Variants in CCDC68 observed in about 807,000 individuals in gnomAD.
The protein encoded by CCDC68 is coiled-coil domain-containing protein 68.
Under a neutral mutation model 47.1 loss-of-function variants are expected in CCDC68, and 45 were observed. That is an observed-to-expected ratio of 0.96 (90% CI 0.75 to 1.23). The LOEUF (loss-of-function observed/expected upper bound fraction) is 1.23. CCDC68 is among the 50% of genes most tolerant of loss of function. The probability of loss-of-function intolerance (pLI) is 0.00; values close to 1 mark genes in which losing one functional copy is unlikely to be tolerated. For synonymous variants in CCDC68, 131 were observed against 129.5 expected (o/e 1.01, Z -0.08); for missense variants, 353 against 373.6 (o/e 0.94, Z 0.45).
At chr18:54,928,474 C>T (rs750115536) in intron 8 of CCDC68, among the ~76,000 whole-genome samples, 3 of 152,140 alleles carry the variant, frequency 2.0e-5, no homozygotes, top group Non-Finnish European at 4.4e-5. Context: ...ATCTCTCAAG[C>T]GTCCTCCTTA....
intron 1 of CCDC68, among the ~76,000 whole-genome samples, chr18:54,952,087 G>T (rs2044628635): frequency 6.6e-6 from 1 of 152,206 alleles, no homozygotes; most frequent in African/African-American, 2.4e-5. Flanking sequence ...TGTAGGACAT[G>T]ATTTGAAAGT....
chr18:54,932,246 G>A (rs948478282), intron 7 of CCDC68, among the ~76,000 whole-genome samples: 7 of 150,576 alleles, frequency 4.6e-5, no homozygotes, highest in South Asian at 2.1e-4. Context: ...GTGCAGTGGC[G>A]TCATCTCGGC....
intron 8 of CCDC68, 34 bp downstream of exon 8, chr18:54,928,766 G>T (rs368678641): frequency 6.9e-5 from 97 of 1,396,248 alleles, no homozygotes; most frequent in Non-Finnish European, 9.3e-5. Context: ...AAGAAATCAG[G>T]AACTGCCTTT....
chr18:54,925,949 A>G (rs1160239885), intron 8 of CCDC68, among the ~76,000 whole-genome samples: 1 of 152,204 alleles, frequency 6.6e-6, no homozygotes, highest in South Asian at 2.1e-4. Context: ...ACTATTTTCT[A>G]TAAAATTCTT....
In CCDC68 at chr18:54,902,436, C is replaced by T. The variant is rs976551742; in HGVS notation, c.*1922G>A. 1.8e-4 allele frequency: 27 copies of T among 152,162 alleles called. No homozygotes were observed. Among genetic ancestry groups the T allele is most frequent in the African/African-American group, 6.3e-4 (26 of 41,422 alleles). The allele number at this position is 152,162 out of a possible 1,614,324, so 9.4% of individuals were successfully genotyped here. ...AAAGATGGATTCTCTTACTACACTG[C>T]AAATACTTAAAGCAGGACTCATGAT... is the stretch of plus-strand genomic sequence containing the variant. On this transcript the variant is annotated 3_prime_UTR_variant, in exon 12 of 12. Coordinates refer to ENST00000591504, the MANE Select transcript of CCDC68 (RefSeq NM_025214.3).
At chr18:54,931,865 A>C (rs1275687502) in intron 7 of CCDC68, among the ~76,000 whole-genome samples, 1 of 152,186 alleles carries the variant, frequency 6.6e-6, no homozygotes, top group Non-Finnish European at 1.5e-5. Flanking sequence ...ATGGCTATTT[A>C]CTGGAGCGGT....
chr18:54,905,634 C>G (rs1397394886), intron 11 of CCDC68, among the ~76,000 whole-genome samples: 2 of 152,028 alleles, frequency 1.3e-5, no homozygotes, highest in Non-Finnish European at 2.9e-5. Flanking sequence ...TTTACCAAAC[C>G]AAACTACCAC....
intron 11 of CCDC68, 34 bp downstream of exon 11, chr18:54,907,752 G>T: frequency 8.4e-7 from 1 of 1,184,558 alleles, no homozygotes; most frequent in East Asian, 2.3e-5. Context: ...AACATAGGTT[G>T]TGAAGACAGG....
At chr18:54,927,990 A>G (rs1000976166) in intron 8 of CCDC68, among the ~76,000 whole-genome samples, 2 of 152,202 alleles carry the variant, frequency 1.3e-5, no homozygotes, top group Admixed American at 1.3e-4. Context: ...AATGACAACA[A>G]TTCTGTCCAT....
At chr18:54,920,401 T>C (rs562934400) in intron 8 of CCDC68, among the ~76,000 whole-genome samples, 2 of 152,174 alleles carry the variant, frequency 1.3e-5, no homozygotes, top group South Asian at 4.2e-4. Flanking sequence ...CCACCACACC[T>C]GGCTAATTTT....
intron 10 of CCDC68, among the ~76,000 whole-genome samples, chr18:54,913,286 A>G (rs1199540296): frequency 6.6e-6 from 1 of 152,228 alleles, no homozygotes; most frequent in Non-Finnish European, 1.5e-5. Context: ...ATGAATGAGA[A>G]AGTGATGCTG....
rs1490254308 is a variant in CCDC68, at chr18:54,944,373, G to A, written c.-13+1015C>T. 2.6e-5 allele frequency among the ~76,000 whole-genome samples: 4 copies of A among 152,142 alleles called. No individual in the cohort carries two copies. In the East Asian group the frequency reaches 5.8e-4, roughly 22 times the overall value. On this transcript the variant is annotated intron_variant, in intron 2 of 11. Coordinates refer to ENST00000591504, the MANE Select transcript of CCDC68 (RefSeq NM_025214.3). ...ATTATTAATCTTATGTTACTGATAA[G>A]AAGCCAAGACTCCACTCCCATAGTC...
chr18:54,949,442 C>A (rs1394509896), intron 1 of CCDC68, among the ~76,000 whole-genome samples: 2 of 152,198 alleles, frequency 1.3e-5, no homozygotes, highest in African/African-American at 4.8e-5. Context: ...CACATTAAAA[C>A]AGGTCTAGCA....
rs138697735 is a variant in CCDC68, at chr18:54,941,079, C to A, written c.122G>T (p.Arg41Leu). Reference sequence around the variant, plus strand: ...GGTCCTGATCTTTTGCAGAGTAGTTCGAATCTAGAGAAGGAAAACAAAACC... The same window carrying A: ...GGTCCTGATCTTTTGCAGAGTAGTTAGAATCTAGAGAAGGAAAACAAAACC... ...IEETEYVKKI[R>L]TTLQKIRTQM... The change falls in exon 4 of 12, where the codon CGA becomes CTA. Residue 41 changes from arginine to leucine, a missense_variant. Coordinates refer to ENST00000591504, the MANE Select transcript of CCDC68 (RefSeq NM_025214.3). The A allele has an allele frequency of 3.1e-6, 5 of 1,609,426 alleles. No individual in the cohort carries two copies. The highest frequency in any genetic ancestry group is 4.2e-6 in the Non-Finnish European group (5 of 1,177,070).
intron 8 of CCDC68, among the ~76,000 whole-genome samples, chr18:54,928,585 C>A (rs1218391035): frequency 6.6e-6 from 1 of 152,120 alleles, no homozygotes; most frequent in Non-Finnish European, 1.5e-5. Context: ...GTGAACTCTG[C>A]CCCCGGCTCC....
chr18:54,955,636 G>T (rs2044699752), intron 1 of CCDC68, among the ~76,000 whole-genome samples: 1 of 152,180 alleles, frequency 6.6e-6, no homozygotes. Context: ...GCTGGGAACT[G>T]CTATTCCAGT....
At chr18:54,931,827 A>G (rs1400674472) in intron 7 of CCDC68, among the ~76,000 whole-genome samples, 1 of 152,164 alleles carries the variant, frequency 6.6e-6, no homozygotes, top group African/African-American at 2.4e-5. Flanking sequence ...TTTAAGTAAT[A>G]TGTTCATTAC....
chr18:54,919,450 G>T, intron 8 of CCDC68, 74 bp from the exon 9 acceptor site: 1 of 1,237,526 alleles, frequency 8.1e-7, no homozygotes, highest in Non-Finnish European at 1.2e-6. Flanking sequence ...CTTACTGCTA[G>T]CCCTCCTACA....
chr18:54,906,917 C>A (rs1408284766), intron 11 of CCDC68, among the ~76,000 whole-genome samples: 1 of 152,160 alleles, frequency 6.6e-6, no homozygotes, highest in East Asian at 1.9e-4. Flanking sequence ...CTGTTTCAGG[C>A]AGTTTTAAAG....
Sources: allele counts gnomAD v4.1 joint callset (sites outside exome capture counted in the v4.1 genomes callset), GRCh38; gene constraint gnomAD v4.1.1; transcripts MANE v1.5; gene names NCBI Gene and HGNC (gene_info 2026-07-23, HGNC 2026-07-21).